NWD2: variants seen among roughly 807,000 people sequenced by gnomAD.
NWD2 encodes NACHT and WD repeat domain containing 2, also known as NACHT and WD repeat domain-containing protein 2.
Under a neutral mutation model 132.7 loss-of-function variants are expected in NWD2, and 37 were observed. The ratio of observed to expected loss-of-function variants is 0.28; its 90% CI spans 0.21 to 0.37. The LOEUF is 0.37. Among genes scored for constraint, NWD2 ranks in the 10% least tolerant of loss-of-function variants. The pLI is 1.00. For synonymous variants in NWD2, 705 were observed against 803.0 expected, an observed-to-expected ratio of 0.88 and a Z score of 2.06; for missense variants, 1,592 against 2,122.4, an observed-to-expected ratio of 0.75 and a Z score of 4.91.
At chr4:37,326,767 C>T (rs997927548) in intron 2 of NWD2, among the ~76,000 whole-genome samples, 1 of 152,176 alleles carries the variant, frequency 6.6e-6, no homozygotes, top group Non-Finnish European at 1.5e-5. Context: ...CTAAACTACA[C>T]ATTTACATTG....
At chr4:37,365,727 G>A (rs528366028) in intron 3 of NWD2, among the ~76,000 whole-genome samples, 11 of 152,234 alleles carry the variant, frequency 7.2e-5, no homozygotes, top group Middle Eastern at 3.4e-3. Flanking sequence ...CAAGAGGGCC[G>A]TTGAAATAAT....
intron 3 of NWD2, among the ~76,000 whole-genome samples, chr4:37,411,190 A>C (rs1721147933): frequency 6.6e-6 from 1 of 152,194 alleles, no homozygotes; most frequent in Non-Finnish European, 1.5e-5. Flanking sequence ...CTTTCAAAAA[A>C]TTCCAGGAGC....
chr4:37,325,650 A>G (rs746659273), intron 1 of NWD2, among the ~76,000 whole-genome samples: 19 of 152,104 alleles, frequency 1.2e-4, no homozygotes, highest in Non-Finnish European at 1.5e-5. Flanking sequence ...CTTAGTGTGA[A>G]GGTCTATGTA....
At chr4:37,361,435 C>G (rs1269219665) in intron 3 of NWD2, among the ~76,000 whole-genome samples, 1 of 152,056 alleles carries the variant, frequency 6.6e-6, no homozygotes, top group Admixed American at 6.6e-5. Flanking sequence ...AAAAAAACCT[C>G]AACAAAATGC....
chr4:37,327,171 G>T (rs1719189659), intron 2 of NWD2, among the ~76,000 whole-genome samples: 1 of 152,112 alleles, frequency 6.6e-6, no homozygotes, highest in Non-Finnish European at 1.5e-5. Flanking sequence ...ACTCCTTGGG[G>T]ACTCAGTTAC....
intron 2 of NWD2, among the ~76,000 whole-genome samples, chr4:37,351,473 G>A (rs545381592): frequency 3.9e-5 from 6 of 152,174 alleles, no homozygotes; most frequent in Non-Finnish European, 7.3e-5. Flanking sequence ...GCAAAGAGGT[G>A]TTTATAGTAT....
chr4:37,294,715 T>G (rs1488801411), intron 1 of NWD2, among the ~76,000 whole-genome samples: 1 of 152,232 alleles, frequency 6.6e-6, no homozygotes, highest in Non-Finnish European at 1.5e-5. Context: ...GCTTCATGAT[T>G]GATGAAATAC....
intron 3 of NWD2, among the ~76,000 whole-genome samples, chr4:37,398,823 T>G (rs1403366911): frequency 6.6e-6 from 1 of 151,464 alleles, no homozygotes; most frequent in African/African-American, 2.4e-5. Context: ...TTGCCTTTGC[T>G]TTTTTTTTCC....
intron 3 of NWD2, among the ~76,000 whole-genome samples, chr4:37,377,557 C>A (rs1720369474): frequency 6.6e-6 from 1 of 152,030 alleles, no homozygotes; most frequent in Non-Finnish European, 1.5e-5. Context: ...CATGGAGAAA[C>A]CCCGTCTCTA....
At chr4:37,385,330 T>TA (rs1284913182) in intron 3 of NWD2, among the ~76,000 whole-genome samples, 8 of 152,108 alleles carry the variant, frequency 5.3e-5, no homozygotes, top group African/African-American at 1.7e-4. Context: ...GGTGACAACT[T>TA]AAAAAATCAT....
chr4:37,445,261 G>T lies in NWD2; in HGVS notation c.3273G>T (p.Pro1091=). 2 of 1,551,866 alleles carry T rather than the reference G, an allele frequency of 1.3e-6. No individual in the cohort carries two copies. Among genetic ancestry groups the T allele is most frequent in the Non-Finnish European group, 1.7e-6 (2 of 1,147,026 alleles). ...VTVIDLLYGW[P]LYQFHCWYEV... is the part of the protein sequence containing the mutation. ...TCATCGATCTGCTGTACGGATGGCC[G>T]CTTTACCAGTTCCACTGCTGGTATG... The change falls in exon 7 of 7, where the codon CCG becomes CCT. Residue 1091 remains proline (P), a synonymous_variant. Transcript: ENST00000309447. The surrounding 1 kb of genome is among the most constrained non-coding windows in gnomAD (Gnocchi z 4.7).
chr4:37,419,369 G>A (rs186465234), intron 3 of NWD2, among the ~76,000 whole-genome samples: 54 of 152,268 alleles, frequency 3.5e-4, no homozygotes, highest in African/African-American at 1.2e-3. Flanking sequence ...AGAACCAAGA[G>A]CAATGGCAAC....
rs1712576743 is a variant in NWD2 at position 37,444,482 on chromosome 4, C to T, written c.2494C>T (p.Arg832Trp). Residue 832 changes from arginine (R) to tryptophan (W), a missense_variant, in exon 7 of 7, where the codon CGG becomes TGG. Physicochemically the swap from Arg to Trp is moderately radical, Grantham distance 101. Coordinates refer to ENST00000309447, the MANE Select transcript of NWD2 (RefSeq NM_001144990.2). This position sits in a 1 kb window ranked among gnomAD's most constrained non-coding sequence, Gnocchi z 4.8. ...LEPDIFFVNH[R>W]KMSELLYHLT... The stretch of plus-strand genomic sequence containing the variant: ...ACCTGACATCTTTTTCGTTAATCAT[C>T]GGAAAATGTCTGAGCTGTTGTACCA... 4 of 1,551,706 alleles carry T rather than the reference C, an allele frequency of 2.6e-6. No individual in the cohort carries two copies. Among genetic ancestry groups the T allele is most frequent in the Admixed American group, 2.0e-5 (1 of 50,968 alleles).
At chr4:37,264,755 C>A (rs1453747594) in intron 1 of NWD2, among the ~76,000 whole-genome samples, 2 of 151,450 alleles carry the variant, frequency 1.3e-5, no homozygotes, top group Admixed American at 1.3e-4. Context: ...TTTATGTAAA[C>A]ATTTAATTTT....
intron 1 of NWD2, among the ~76,000 whole-genome samples, chr4:37,271,386 G>T (rs1226251249): frequency 6.6e-6 from 1 of 151,826 alleles, no homozygotes; most frequent in Non-Finnish European, 1.5e-5. Context: ...TATCTGAACA[G>T]TGTATTGTAG....
intron 3 of NWD2, among the ~76,000 whole-genome samples, chr4:37,372,032 A>G (rs1392649234): frequency 6.6e-6 from 1 of 152,186 alleles, no homozygotes; most frequent in Non-Finnish European, 1.5e-5. Context: ...ATTTTTATAT[A>G]GTATGTTGAA....
In NWD2 at chr4:37,439,390, G is replaced by T; in HGVS notation, c.1296G>T (p.Lys432Asn). The change falls in exon 6 of 7, where the codon AAG (lysine) becomes AAT (asparagine). Residue 432 changes from lysine (K) to asparagine (N), a missense_variant and splice_region_variant. By Grantham distance (94) the Lys-to-Asn change is moderately conservative. Around this residue, in one of 7 missense-constraint regions of NWD2, gnomAD observed 1,071 missense variants for 1,398.0 expected, o/e 0.77. Transcript: ENST00000309447. This position sits in a 1 kb window ranked among gnomAD's most constrained non-coding sequence, Gnocchi z 4.5. ...TTCTGCTAGCTGAAGTAGCAAAGAA[G>T]GTAAAAGCCTATTCTTTCCCGTGTA... ...KTLLLAEVAK[K>N]AYGWLHEDTG... 1 of 1,439,624 alleles carries T rather than the reference G, an allele frequency of 6.9e-7. No individual in the cohort carries two copies. Among genetic ancestry groups the T allele is most frequent in the South Asian group, 1.5e-5 (1 of 65,532 alleles). 89.2% of individuals were successfully genotyped at this position (1,439,624 alleles called of 1,614,324 possible). A position where few individuals can be genotyped will look rare whatever the true frequency, so the allele number is the denominator to read the frequency against.
intron 3 of NWD2, among the ~76,000 whole-genome samples, chr4:37,376,922 T>A (rs982267231): frequency 6.6e-6 from 1 of 152,188 alleles, no homozygotes; most frequent in African/African-American, 2.4e-5. Flanking sequence ...GCCTCATGTA[T>A]CAGGAATACA....
At chr4:37,245,415 A>G (rs926879347) in intron 1 of NWD2, among the ~76,000 whole-genome samples, 197 bp downstream of exon 1, 1 of 151,834 alleles carries the variant, frequency 6.6e-6, no homozygotes, top group Non-Finnish European at 1.5e-5. Flanking sequence ...TTGCCTGCAC[A>G]CTTCTATTAG....
Sources: gnomAD v4.1 joint callset for allele counts (sites outside exome capture counted in the v4.1 genomes callset) on GRCh38, gnomAD v4.1.1 for gene constraint, gnomAD v4.1.1 regional missense constraint, Gnocchi (gnomAD v3.1) non-coding constraint, MANE v1.5 for transcripts, NCBI Gene and HGNC (gene_info 2026-07-23, HGNC 2026-07-21) for gene names.